NUDT3: variants seen among roughly 807,000 people sequenced by gnomAD.
NUDT3 encodes the protein diphosphoinositol polyphosphate phosphohydrolase 1.
In NUDT3, 9 loss-of-function variants were observed where a neutral mutation model predicts 23.6. That is an observed-to-expected ratio of 0.38 (90% CI 0.23 to 0.66). The LOEUF (loss-of-function observed/expected upper bound fraction) is 0.66. Among genes scored for constraint, NUDT3 ranks in the 30% least tolerant of loss-of-function variants. The pLI, the probability that NUDT3 is intolerant of heterozygous loss-of-function variation, is 0.52. For missense variants in NUDT3, 172 were observed against 218.5 expected (o/e 0.79, Z 1.34); for synonymous variants, 86 against 82.6 (o/e 1.04, Z -0.22).
intron 4 of NUDT3, 37 bp from the exon 5 acceptor site, chr6:34,288,968 T>A: frequency 3.2e-6 from 5 of 1,544,300 alleles, no homozygotes; most frequent in Non-Finnish European, 4.3e-6. Context: ...AGTACAAGAG[T>A]AATAAGGTTT....
intron 2 of NUDT3, among the ~76,000 whole-genome samples, chr6:34,323,902 T>G (rs1001082940): frequency 2.6e-5 from 4 of 152,208 alleles, no homozygotes; most frequent in Non-Finnish European, 5.9e-5. Flanking sequence ...ATATATAATC[T>G]TCTTTGCGCT....
intron 2 of NUDT3, among the ~76,000 whole-genome samples, chr6:34,323,175 C>G (rs1417322774): frequency 6.6e-6 from 1 of 151,896 alleles, no homozygotes; most frequent in African/African-American, 2.4e-5. Context: ...TCATTAGAAG[C>G]CAAAACCTCA....
chr6:34,370,082 T>A (rs967569777), intron 1 of NUDT3, among the ~76,000 whole-genome samples: 4 of 152,212 alleles, frequency 2.6e-5, no homozygotes, highest in African/African-American at 9.7e-5. Flanking sequence ...ACTCCTCAAA[T>A]AATATGGCAA....
intron 3 of NUDT3, among the ~76,000 whole-genome samples, chr6:34,294,728 A>C (rs1166811552): frequency 1.3e-5 from 2 of 151,550 alleles, no homozygotes; most frequent in African/African-American, 4.8e-5. Flanking sequence ...TCTGTCTCAA[A>C]AAAAAAAAAA....
At chr6:34,355,136 T>C (rs1278334415) in intron 1 of NUDT3, among the ~76,000 whole-genome samples, 1 of 152,186 alleles carries the variant, frequency 6.6e-6, no homozygotes, top group African/African-American at 2.4e-5. Context: ...ATTATTTCAA[T>C]ATTAAGTATG....
intron 2 of NUDT3, among the ~76,000 whole-genome samples, chr6:34,326,952 G>A (rs113667558): frequency 1.3e-5 from 2 of 151,924 alleles, no homozygotes; most frequent in Non-Finnish European, 2.9e-5. Flanking sequence ...GAGAGAGATC[G>A]TACGAAATAA....
intron 2 of NUDT3, among the ~76,000 whole-genome samples, chr6:34,300,911 C>G (rs1252629585): frequency 5.3e-5 from 8 of 152,236 alleles, no homozygotes. Context: ...GTTTATTATT[C>G]TCTTGCATGT....
chr6:34,362,363 A>G (rs888640705), intron 1 of NUDT3, among the ~76,000 whole-genome samples: 1 of 151,810 alleles, frequency 6.6e-6, no homozygotes, highest in African/African-American at 2.4e-5. Flanking sequence ...TTTTGTAGAG[A>G]TGGGGTCTTG....
At chr6:34,383,056 G>C (rs568346111) in intron 1 of NUDT3, among the ~76,000 whole-genome samples, 1 of 151,560 alleles carries the variant, frequency 6.6e-6, no homozygotes, top group African/African-American at 2.4e-5. Flanking sequence ...GAACCTGGGA[G>C]GCGGAGGTTG....
intron 2 of NUDT3, among the ~76,000 whole-genome samples, chr6:34,312,869 G>T (rs73403918): frequency 0.094 from 14,240 of 152,194 alleles, 1,494 homozygotes; most frequent in African/African-American, 0.26. Context: ...AGTTATGTAT[G>T]TAAGGACATG....
chr6:34,289,742 A>G (rs1023091804), intron 4 of NUDT3, among the ~76,000 whole-genome samples: 5 of 152,074 alleles, frequency 3.3e-5, no homozygotes, highest in Non-Finnish European at 5.9e-5. Context: ...TTTTCAGTCT[A>G]TTTTCTTACT....
chr6:34,390,848 T>A (rs374111136), intron 1 of NUDT3, among the ~76,000 whole-genome samples: 2 of 152,298 alleles, frequency 1.3e-5, no homozygotes, highest in South Asian at 4.1e-4. Context: ...ATGAGGAGAA[T>A]AAAGGCTCTG....
chr6:34,353,172 C>T (rs900093974), intron 1 of NUDT3, among the ~76,000 whole-genome samples: 4 of 152,106 alleles, frequency 2.6e-5, no homozygotes, highest in African/African-American at 9.7e-5. Flanking sequence ...TTGTCAACCC[C>T]AATAGTAACC....
chr6:34,294,915 C>T (rs958759611), intron 3 of NUDT3, among the ~76,000 whole-genome samples: 1 of 152,090 alleles, frequency 6.6e-6, no homozygotes, highest in Non-Finnish European at 1.5e-5. Flanking sequence ...GTGTGAGCCA[C>T]CACGCCCAGC....
At chr6:34,386,798 C>G (rs1422372477) in intron 1 of NUDT3, among the ~76,000 whole-genome samples, 1 of 152,138 alleles carries the variant, frequency 6.6e-6, no homozygotes, top group Admixed American at 6.6e-5. Flanking sequence ...CACAATCAAA[C>G]CTACTGTGCT....
chr6:34,367,569 G>T (rs60208416), intron 1 of NUDT3, among the ~76,000 whole-genome samples: 6,354 of 150,642 alleles, frequency 0.042, 205 homozygotes, highest in African/African-American at 0.084. Flanking sequence ...GTAAATAAAA[G>T]ATTAAACATA....
chr6:34,392,276 C>T lies in NUDT3; in HGVS notation c.87G>A (p.Glu29=), dbSNP rs762773526. 2 of 1,600,532 alleles carry T rather than the reference C, an allele frequency of 1.2e-6. No individual in the cohort carries two copies. The highest frequency in any genetic ancestry group is 2.2e-5 in the South Asian group (2 of 90,092). Residue 29 remains glutamate (E), a synonymous_variant, in exon 1 of 5, where the codon GAG becomes GAA. Coordinates refer to ENST00000607016, the MANE Select transcript of NUDT3 (RefSeq NM_006703.4). ...KRAACLCFRS[E]SEEEVLLVSS... ...CCTGCCGCCTCACCTCCTCCTCGCT[C>T]TCGCTGCGGAAACACAGGCATGCGG...
Position 34,291,843 on chromosome 6 carries a change from A to G in NUDT3, c.340+1608T>C, listed in dbSNP as rs147456128. The stretch of plus-strand genomic sequence containing the variant: ...TTAAACTATGGTGTTTAACAGCTGT[A>G]TAACATTCCATCGGACACATGTCAT... On this transcript the variant is annotated intron_variant, in intron 4 of 4. Transcript: ENST00000607016. 2.0e-5 allele frequency among the ~76,000 whole-genome samples: 3 copies of G among 152,356 alleles called. No individual in the cohort carries two copies. In the East Asian group the frequency reaches 5.8e-4, roughly 29 times the overall value.
chr6:34,362,319 C>T (rs1316684104), intron 1 of NUDT3, among the ~76,000 whole-genome samples: 1 of 151,940 alleles, frequency 6.6e-6, no homozygotes, highest in Non-Finnish European at 1.5e-5. Context: ...GCTGGGACTA[C>T]AGGAGCATGC....
Sources: gnomAD v4.1 joint callset for allele counts (sites outside exome capture counted in the v4.1 genomes callset) on GRCh38, gnomAD v4.1.1 for gene constraint, MANE v1.5 for transcripts, NCBI Gene and HGNC (gene_info 2026-07-23, HGNC 2026-07-21) for gene names.